The following EDN1 variants were observed in gnomAD, a reference collection of about 807,000 sequenced individuals.
EDN1 encodes endothelin 1.
Under a neutral mutation model 21.7 loss-of-function variants are expected in EDN1, and 11 were observed. That is an observed-to-expected ratio of 0.51 (90% CI 0.32 to 0.84). EDN1 has a LOEUF of 0.84. Ranked by LOEUF, EDN1 falls within the 40% of genes least tolerant of loss-of-function variation. The pLI is 0.03. For synonymous variants in EDN1, 85 were observed against 90.6 expected (o/e 0.94, Z 0.35); for missense variants, 244 against 262.3 (o/e 0.93, Z 0.48).
chr6:12,294,581 T>G (rs1762774217), intron 4 of EDN1, among the ~76,000 whole-genome samples, 177 bp downstream of exon 4: 1 of 152,208 alleles, frequency 6.6e-6, no homozygotes, highest in Admixed American at 6.5e-5. Context: ...AGAATCCCTC[T>G]TAAATATTTC....
At chr6:12,280,464 A>G in the EDN1 span, among the ~76,000 whole-genome samples, 3 of 152,224 alleles carry the variant, frequency 2.0e-5, no homozygotes, top group Non-Finnish European at 2.9e-5. Flanking sequence ...ACTTTCTCCT[A>G]ACACATTTTC....
the EDN1 span, among the ~76,000 whole-genome samples, chr6:12,258,222 C>T: frequency 6.6e-6 from 1 of 151,192 alleles, no homozygotes; most frequent in Non-Finnish European, 1.5e-5. Flanking sequence ...GAGGCCAAAG[C>T]CGGAAGATCA....
At chr6:12,267,267 T>C in the EDN1 span, among the ~76,000 whole-genome samples, 1 of 152,204 alleles carries the variant, frequency 6.6e-6, no homozygotes, top group East Asian at 1.9e-4. Flanking sequence ...TATTCTGTTA[T>C]GGTGACCTGT....
rs763976803 is a variant in EDN1, at chr6:12,290,711, C to T, written c.64+18C>T. On this transcript the variant is annotated intron_variant, in intron 1 of 4. Transcript: ENST00000379375. ...AGAAACAGGTAGGCACGCTCGTTGACTTGTAAGTCTCGGAATTACAAGTTA... is the reference window on the plus strand; with the variant it reads ...AGAAACAGGTAGGCACGCTCGTTGATTTGTAAGTCTCGGAATTACAAGTTA... The T allele has an allele frequency of 5.0e-6, 8 of 1,607,540 alleles. No individual in the cohort carries two copies. The South Asian group carries it at 7.7e-5, about 15-fold the overall frequency.
At chr6:12,258,182 G>A in the EDN1 span, among the ~76,000 whole-genome samples, 1 of 151,890 alleles carries the variant, frequency 6.6e-6, no homozygotes, top group African/African-American at 2.4e-5. Flanking sequence ...GGCTGGGTGT[G>A]GAGGCTCATG....
At chr6:12,260,082 C>T in the EDN1 span, among the ~76,000 whole-genome samples, 2 of 151,954 alleles carry the variant, frequency 1.3e-5, no homozygotes, top group African/African-American at 4.8e-5. Context: ...AGCAAACAAA[C>T]ATCTGGGTAA....
chr6:12,286,704 C>T (rs1034665492), upstream of EDN1, among the ~76,000 whole-genome samples: 85 of 152,176 alleles, frequency 5.6e-4, no homozygotes, highest in African/African-American at 1.9e-3. Context: ...TGTGTAGTAT[C>T]TGTATTGGGG....
At chr6:12,287,669 T>C (rs1762575998), upstream of EDN1, among the ~76,000 whole-genome samples, 2 of 144,424 alleles carry the variant, frequency 1.4e-5, no homozygotes, top group South Asian at 2.3e-4. Flanking sequence ...TCTTCTCTTC[T>C]CCTATCTCTC....
At chr6:12,282,380 A>G in the EDN1 span, among the ~76,000 whole-genome samples, 4 of 152,244 alleles carry the variant, frequency 2.6e-5, no homozygotes, top group African/African-American at 9.6e-5. Context: ...GCTAATCTTG[A>G]AACTGTTTGG....
the EDN1 span, among the ~76,000 whole-genome samples, chr6:12,241,034 T>G: frequency 6.6e-6 from 1 of 152,184 alleles, no homozygotes; most frequent in Non-Finnish European, 1.5e-5. Flanking sequence ...GTGCAAATTT[T>G]TATTCCCTTA....
the EDN1 span, among the ~76,000 whole-genome samples, chr6:12,248,227 C>T: frequency 1.3e-5 from 2 of 152,138 alleles, no homozygotes; most frequent in Admixed American, 6.5e-5. Context: ...AATACACAGC[C>T]TTGACATGGA....
intron 4 of EDN1, 68 bp from the exon 5 acceptor site, chr6:12,295,894 C>T: frequency 6.6e-7 from 1 of 1,509,684 alleles, no homozygotes; most frequent in Non-Finnish European, 9.1e-7. Flanking sequence ...TCTAATTTTA[C>T]ATGTTTCTTT....
In EDN1 at chr6:12,296,155, C is replaced by A. The variant is rs753228154; in HGVS notation, c.*88C>A. On this transcript the variant is annotated 3_prime_UTR_variant, in exon 5 of 5. Coordinates refer to ENST00000379375, the MANE Select transcript of EDN1 (RefSeq NM_001955.5). ...CTCTCCACCCTGGCTGGGATCAGAG[C>A]AGGAGCATCCTCTGCTGGTTCCTGA... The A allele has an allele frequency of 1.7e-6, 2 of 1,158,410 alleles. No individual in the cohort carries two copies. The highest frequency in any genetic ancestry group is 1.5e-5 in the African/African-American group (1 of 66,138). The allele number at this position is 1,158,410 out of a possible 1,614,324, so 71.8% of individuals were successfully genotyped here.
rs1445081565 is a variant in EDN1, at chr6:12,294,285, C to T, written c.414C>T (p.Asp138=). The change falls in exon 4 of 5, where the codon GAC becomes GAT. Residue 138 remains aspartate, a synonymous_variant. Transcript: ENST00000379375. ...ELRAEDIMEK[D]WNNHKKGKDC... ...GGGCTGAAGACATTATGGAGAAAGA[C>T]TGGAATAATCATAAGAAAGGAAAAG... is the stretch of plus-strand genomic sequence containing the variant. 3 of 1,614,042 alleles carry T rather than the reference C, an allele frequency of 1.9e-6. No homozygotes were observed. Among genetic ancestry groups the T allele is most frequent in the African/African-American group, 1.3e-5 (1 of 74,980 alleles).
chr6:12,286,951 C>G (rs574551280), upstream of EDN1, among the ~76,000 whole-genome samples: 1 of 151,878 alleles, frequency 6.6e-6, no homozygotes, highest in African/African-American at 2.4e-5. Context: ...CCTATCTCTA[C>G]GAAAAAATTT....
At chr6:12,272,452 C>CTTTTTTTTTTTTTTTT in the EDN1 span, among the ~76,000 whole-genome samples, 1 of 106,812 alleles carries the variant, frequency 9.4e-6, no homozygotes, top group African/African-American at 3.7e-5. Context: ...GAGTCATACT[C>CTTTTTTTTTTTTTTTT]TTTTTTTTTT....
At chr6:12,256,161 C>A in the EDN1 span, among the ~76,000 whole-genome samples, 525 of 152,168 alleles carry the variant, frequency 3.5e-3, 3 homozygotes, top group African/African-American at 0.012. Context: ...GCTTAGGCAA[C>A]AAAGCGAGAG....
the EDN1 span, among the ~76,000 whole-genome samples, chr6:12,279,304 T>G: frequency 2.0e-5 from 3 of 152,138 alleles, no homozygotes; most frequent in African/African-American, 7.2e-5. Flanking sequence ...AGGGGAGGTA[T>G]GTCCCTGACA....
At chr6:12,259,674 A>G in the EDN1 span, among the ~76,000 whole-genome samples, 1 of 151,898 alleles carries the variant, frequency 6.6e-6, no homozygotes, top group Non-Finnish European at 1.5e-5. Flanking sequence ...ATTAAGTAAA[A>G]TGGTACGATT....
Sources: gnomAD v4.1 joint callset for allele counts (sites outside exome capture counted in the v4.1 genomes callset) on GRCh38, gnomAD v4.1.1 for gene constraint, MANE v1.5 for transcripts, NCBI Gene and HGNC (gene_info 2026-07-23, HGNC 2026-07-21) for gene names.